SDK1: variants seen among roughly 807,000 people sequenced by gnomAD.
SDK1 encodes the protein protein sidekick-1.
SDK1 carries 157 observed loss-of-function variants against 245.5 expected under a neutral mutation model. The observed-to-expected ratio is 0.64, with a 90% CI of 0.56 to 0.73. The LOEUF is 0.73. Among genes scored for constraint, SDK1 ranks in the 30% least tolerant of loss-of-function variants. SDK1 has a pLI of 0.00. For synonymous variants in SDK1, 1,647 were observed against 1,278.5 expected (o/e 1.29, Z -6.15); for missense variants, 3,583 against 3,002.3 (o/e 1.19, Z -4.52).
Position 3,576,879 on chromosome 7 carries a change from G to A in SDK1, c.299-42201G>A, listed in dbSNP as rs527643990. Reference sequence around the variant, plus strand: ...AAGTTGGTTACTATTTGCCGGGACTGCTTAAACCTGCCCTTTAGAGTAGCA... The same window carrying A: ...AAGTTGGTTACTATTTGCCGGGACTACTTAAACCTGCCCTTTAGAGTAGCA... On this transcript the variant is annotated intron_variant, in intron 1 of 44. Coordinates refer to ENST00000404826, the MANE Select transcript of SDK1 (RefSeq NM_152744.4). 7.9e-5 allele frequency among the ~76,000 whole-genome samples: 12 copies of A among 152,072 alleles called. 1 individual carries two copies. The highest frequency in any genetic ancestry group is 1.6e-4 in the Non-Finnish European group (11 of 67,974).
chr7:3,854,725 G>A (rs1021144022), intron 5 of SDK1, among the ~76,000 whole-genome samples: 1 of 152,100 alleles, frequency 6.6e-6, no homozygotes, highest in East Asian at 1.9e-4. Context: ...AGGGATTTTC[G>A]ATCAGATGTC....
intron 4 of SDK1, among the ~76,000 whole-genome samples, chr7:3,750,771 G>C (rs1306594085): frequency 1.3e-5 from 2 of 152,222 alleles, no homozygotes; most frequent in Non-Finnish European, 2.9e-5. Context: ...ATCTTTGTCA[G>C]TAAATACTAG....
chr7:3,868,660 G>C (rs939663156), intron 5 of SDK1, among the ~76,000 whole-genome samples: 1 of 152,126 alleles, frequency 6.6e-6, no homozygotes, highest in African/African-American at 2.4e-5. Flanking sequence ...CCCTGATAAA[G>C]TCTAGACTTG....
At chr7:4,257,168 C>G (rs1787688075) in intron 44 of SDK1, among the ~76,000 whole-genome samples, 1 of 152,160 alleles carries the variant, frequency 6.6e-6, no homozygotes, top group Admixed American at 6.5e-5. Context: ...TTAGACCAAC[C>G]CCATCGTACC....
chr7:3,742,389 C>T (rs946789404), intron 4 of SDK1, among the ~76,000 whole-genome samples: 5 of 152,138 alleles, frequency 3.3e-5, no homozygotes, highest in African/African-American at 1.2e-4. Context: ...CCTCCCAGCT[C>T]TACTTCCGGT....
chr7:3,948,588 G>C (rs1363603593), intron 5 of SDK1, among the ~76,000 whole-genome samples: 2 of 152,214 alleles, frequency 1.3e-5, no homozygotes, highest in Non-Finnish European at 2.9e-5. Flanking sequence ...GGCTGTAGGT[G>C]AATCAACACG....
At chr7:3,374,578 A>G (rs1781307983) in intron 1 of SDK1, among the ~76,000 whole-genome samples, 1 of 152,014 alleles carries the variant, frequency 6.6e-6, no homozygotes, top group Non-Finnish European at 1.5e-5. Context: ...TTTAACCTAC[A>G]CTATATTTTT....
chr7:4,265,049 C>A (rs975123797), intron 44 of SDK1, 75 bp from the exon 45 acceptor site: 3 of 1,549,936 alleles, frequency 1.9e-6, no homozygotes, highest in African/African-American at 2.7e-5. Context: ...GCCCCCACCG[C>A]CAGGCCTCCT....
chr7:3,502,312 G>A (rs10236399), intron 1 of SDK1, among the ~76,000 whole-genome samples: 1 of 151,996 alleles, frequency 6.6e-6, no homozygotes, highest in African/African-American at 2.4e-5. Flanking sequence ...TGCAGTGGCA[G>A]AATCTCGGCT....
chr7:3,409,503 T>C (rs370519142), intron 1 of SDK1, among the ~76,000 whole-genome samples: 4 of 152,192 alleles, frequency 2.6e-5, no homozygotes, highest in Non-Finnish European at 5.9e-5. Flanking sequence ...CATCAAATTT[T>C]ATACAAATTA....
chr7:4,187,272 A>C (rs554366518), intron 35 of SDK1, among the ~76,000 whole-genome samples: 8 of 152,308 alleles, frequency 5.3e-5, no homozygotes, highest in Non-Finnish European at 7.4e-5. Context: ...ATTTTCCATC[A>C]TCCAATACAT....
intron 1 of SDK1, among the ~76,000 whole-genome samples, chr7:3,385,495 C>G (rs868273503): frequency 6.6e-6 from 1 of 151,852 alleles, no homozygotes; most frequent in African/African-American, 2.4e-5. Flanking sequence ...AACTTCCATC[C>G]TTTTTTTCTA....
chr7:4,209,968 T>A, intron 37 of SDK1, 57 bp from the exon 38 acceptor site: 1 of 1,395,176 alleles, frequency 7.2e-7, no homozygotes, highest in Non-Finnish European at 9.5e-7. Context: ...CAGACATGTA[T>A]GTATATGATC....
chr7:4,106,737 G>A lies in SDK1; in HGVS notation c.3325-3926G>A, dbSNP rs541896924. Among the ~76,000 whole-genome samples the A allele has an allele frequency of 7.9e-5, 12 of 152,078 alleles. 1 individual carries two copies. Among genetic ancestry groups the A allele is most frequent in the Admixed American group, 7.9e-4 (12 of 15,274 alleles). On this transcript the variant is annotated intron_variant, in intron 22 of 44. Transcript: ENST00000404826. ...CTCTCCTGCTCTCTCAACGCGGCGC[G>A]TGCCTTTCTCTCCCGGGCAGCCTCC...
intron 14 of SDK1, among the ~76,000 whole-genome samples, chr7:3,999,454 A>G (rs1176775313): frequency 6.6e-6 from 1 of 152,240 alleles, no homozygotes; most frequent in East Asian, 1.9e-4. Flanking sequence ...CTGAGGATCA[A>G]GACCGTCAGG....
chr7:3,838,277 G>T (rs188027740), intron 5 of SDK1, among the ~76,000 whole-genome samples: 2 of 152,334 alleles, frequency 1.3e-5, no homozygotes, highest in Admixed American at 6.5e-5. Flanking sequence ...GGGTGAGATG[G>T]TCATCTAGAT....
chr7:3,622,338 A>T (rs887684126), intron 2 of SDK1, among the ~76,000 whole-genome samples: 1 of 152,054 alleles, frequency 6.6e-6, no homozygotes, highest in African/African-American at 2.4e-5. Context: ...AAAATTAGCC[A>T]GGCATGGTGG....
chr7:3,576,557 AT>A (rs1184893745), intron 1 of SDK1, among the ~76,000 whole-genome samples: 3 of 151,936 alleles, frequency 2.0e-5, no homozygotes, highest in Non-Finnish European at 4.4e-5. Flanking sequence ...AAATAATTGG[AT>A]TTTTTGGTTG....
chr7:3,977,679 C>G (rs998437227), intron 13 of SDK1, among the ~76,000 whole-genome samples: 1 of 152,250 alleles, frequency 6.6e-6, no homozygotes, highest in Non-Finnish European at 1.5e-5. Context: ...TTCTTCCCTG[C>G]GCGCAGCTGA....
Sources: allele counts gnomAD v4.1 joint callset (sites outside exome capture counted in the v4.1 genomes callset), GRCh38; gene constraint gnomAD v4.1.1; transcripts MANE v1.5; gene names NCBI Gene and HGNC (gene_info 2026-07-23, HGNC 2026-07-21).